ACTR3C: variants seen among roughly 807,000 people sequenced by gnomAD.
ACTR3C encodes actin related protein 3C.
Under a neutral mutation model 26.3 loss-of-function variants are expected in ACTR3C, and 18 were observed. The observed-to-expected ratio is 0.68, with a 90% CI of 0.47 to 1.01. The LOEUF (loss-of-function observed/expected upper bound fraction) is 1.01. Among genes scored for constraint, ACTR3C ranks in the 50% least tolerant of loss-of-function variants. ACTR3C has a pLI of 0.00. For missense variants in ACTR3C, 184 were observed against 250.7 expected (o/e 0.73, Z 1.80); for synonymous variants, 55 against 94.5 (o/e 0.58, Z 2.42).
chr7:150,048,981 T>C, the ACTR3C span, among the ~76,000 whole-genome samples: 1 of 152,076 alleles, frequency 6.6e-6, no homozygotes, highest in Non-Finnish European at 1.5e-5. Flanking sequence ...ATTCTCATTA[T>C]CATGAACGCA....
At chr7:150,273,296 G>A (rs567985891) in intron 6 of ACTR3C, among the ~76,000 whole-genome samples, 8 of 130,780 alleles carry the variant, frequency 6.1e-5, no homozygotes, top group Admixed American at 5.4e-4. Flanking sequence ...TTTTTTTTTT[G>A]AAATAGGGTG....
the ACTR3C span, among the ~76,000 whole-genome samples, chr7:150,012,052 G>A: frequency 6.6e-6 from 1 of 152,146 alleles, no homozygotes; most frequent in Non-Finnish European, 1.5e-5. Context: ...CAGCGATGGG[G>A]TATTCTTTGG....
chr7:149,994,423 C>A, the ACTR3C span, among the ~76,000 whole-genome samples: 1 of 152,038 alleles, frequency 6.6e-6, no homozygotes, highest in Non-Finnish European at 1.5e-5. Context: ...CATGGTGAAA[C>A]CCCATCTCTA....
intron 1 of ACTR3C, among the ~76,000 whole-genome samples, chr7:150,302,080 A>T (rs1795472723): frequency 6.6e-6 from 1 of 152,214 alleles, no homozygotes; most frequent in East Asian, 1.9e-4. Context: ...TCACAGCAAC[A>T]AGAAAAGCAA....
the ACTR3C span, among the ~76,000 whole-genome samples, chr7:150,158,116 G>C: frequency 2.0e-5 from 3 of 152,118 alleles, no homozygotes; most frequent in African/African-American, 4.8e-5. Context: ...AATCATCAGG[G>C]AAACGCAAAT....
At chr7:150,037,711 G>A in the ACTR3C span, among the ~76,000 whole-genome samples, 1 of 100,796 alleles carries the variant, frequency 9.9e-6, no homozygotes, top group Non-Finnish European at 2.1e-5. Flanking sequence ...ATGATGGGGG[G>A]TCCTAAGCCA....
rs1162630800 is a variant in ACTR3C at position 150,274,786 on chromosome 7, ACAAAAGC to A, written c.564+9960_564+9966del. ...AATAATACTGCTCAAAACGCTTCCC[ACAAAAGC>A]CAAAAGCCAATATGATCGATTCTAA... is the stretch of plus-strand genomic sequence containing the variant. On this transcript the variant is annotated intron_variant, in intron 6 of 7. Transcript: ENST00000683684. The surrounding 1 kb of genome is among the most constrained non-coding windows in gnomAD (Gnocchi z 4.1). 3.3e-5 allele frequency among the ~76,000 whole-genome samples: 5 copies of A among 152,226 alleles called. No individual in the cohort carries two copies. The highest frequency in any genetic ancestry group is 7.2e-5 in the African/African-American group (3 of 41,458).
At chr7:150,047,980 C>G in the ACTR3C span, 3 of 1,206,508 alleles carry the variant, frequency 2.5e-6, no homozygotes, top group Non-Finnish European at 3.1e-6. Context: ...AGCAGCAAGG[C>G]AAGCCCAGCG....
At chr7:149,918,015 T>C in the ACTR3C span, among the ~76,000 whole-genome samples, 1 of 152,224 alleles carries the variant, frequency 6.6e-6, no homozygotes, top group Non-Finnish European at 1.5e-5. Context: ...GTAAATTACA[T>C]GACCAATTTT....
chr7:150,108,207 A>G, the ACTR3C span, among the ~76,000 whole-genome samples: 20 of 150,338 alleles, frequency 1.3e-4, no homozygotes, highest in South Asian at 1.3e-3. Context: ...GGCATTAGTT[A>G]TAGGACACCA....
At chr7:150,276,758 G>A (rs1834919992) in intron 6 of ACTR3C, among the ~76,000 whole-genome samples, 1 of 152,224 alleles carries the variant, frequency 6.6e-6, no homozygotes, top group African/African-American at 2.4e-5. Context: ...GCTCACCCCT[G>A]TGTGGTGAAC....
At chr7:150,262,421 T>TC (rs757321270) in intron 6 of ACTR3C, among the ~76,000 whole-genome samples, 13 of 152,296 alleles carry the variant, frequency 8.5e-5, no homozygotes, top group Non-Finnish European at 1.6e-4. Context: ...ACTTTTTTTT[T>TC]CTCTAAACCG....
the ACTR3C span, among the ~76,000 whole-genome samples, chr7:149,988,909 G>A: frequency 6.6e-5 from 10 of 152,222 alleles, no homozygotes; most frequent in Non-Finnish European, 7.3e-5. Flanking sequence ...TCAAAGCAAC[G>A]AAAATTGAAG....
chr7:150,042,082 C>A, the ACTR3C span, among the ~76,000 whole-genome samples: 1 of 91,460 alleles, frequency 1.1e-5, no homozygotes. Context: ...GTCTGGCTCT[C>A]AGTCCCTGCC....
At chr7:150,073,551 A>G in the ACTR3C span, 1 of 147,820 alleles carries the variant, frequency 6.8e-6, no homozygotes, top group Non-Finnish European at 1.5e-5. Flanking sequence ...GAACTCCCTG[A>G]TCATAATTAA....
chr7:149,889,354 T>A, the ACTR3C span, among the ~76,000 whole-genome samples: 1 of 152,114 alleles, frequency 6.6e-6, no homozygotes, highest in Non-Finnish European at 1.5e-5. Context: ...AGGGAAAAAT[T>A]TTCTAAATCA....
the ACTR3C span, among the ~76,000 whole-genome samples, chr7:150,064,758 A>C: frequency 6.6e-6 from 1 of 151,260 alleles, no homozygotes; most frequent in African/African-American, 2.4e-5. Context: ...CAGTGAGTTC[A>C]CATTCGGAAG....
At chr7:149,983,114 AC>A in the ACTR3C span, among the ~76,000 whole-genome samples, 227 of 152,252 alleles carry the variant, frequency 1.5e-3, 2 homozygotes, top group Admixed American at 0.012. Flanking sequence ...TACATAAAAA[AC>A]AACTCAAAAT....
chr7:149,973,846 G>C, the ACTR3C span, among the ~76,000 whole-genome samples: 2 of 140,900 alleles, frequency 1.4e-5, no homozygotes, highest in East Asian at 4.0e-4. Context: ...GGCTGCTGTT[G>C]GCTGCTTGTT....
Sources: gnomAD v4.1 joint callset for allele counts (sites outside exome capture counted in the v4.1 genomes callset) on GRCh38, gnomAD v4.1.1 for gene constraint, Gnocchi (gnomAD v3.1) non-coding constraint, MANE v1.5 for transcripts, NCBI Gene and HGNC (gene_info 2026-07-23, HGNC 2026-07-21) for gene names.